The following SLC39A10 variants were observed in gnomAD, a reference collection of about 807,000 sequenced individuals.
The protein encoded by SLC39A10 is zinc transporter ZIP10.
A neutral mutation model predicts 65.1 loss-of-function variants in SLC39A10; 13 were observed. That is an observed-to-expected ratio of 0.20 (90% CI 0.13 to 0.32). The LOEUF (loss-of-function observed/expected upper bound fraction) is 0.32. Among genes scored for constraint, SLC39A10 ranks in the 10% least tolerant of loss-of-function variants. The pLI is 1.00. For synonymous variants in SLC39A10, 321 were observed against 342.2 expected, an observed-to-expected ratio of 0.94 and a Z score of 0.68; for missense variants, 831 against 1,018.4, an observed-to-expected ratio of 0.82 and a Z score of 2.50.
At chr2:195,718,108 A>G (rs1303020725) in intron 7 of SLC39A10, 144 bp from the exon 8 acceptor site, 2 of 536,830 alleles carry the variant, frequency 3.7e-6, no homozygotes, top group Non-Finnish European at 6.6e-6. Flanking sequence ...ATATGTTCAA[A>G]AACTATAGTG....
intron 1 of SLC39A10, among the ~76,000 whole-genome samples, chr2:195,665,266 G>C (rs1238253358): frequency 6.6e-6 from 1 of 152,210 alleles, no homozygotes; most frequent in Non-Finnish European, 1.5e-5. Context: ...GCAGCGAGCA[G>C]AGATTGCGCC....
At chr2:195,619,614 C>G (rs1227195781) in intron 2 of SLC39A10, among the ~76,000 whole-genome samples, 1 of 152,036 alleles carries the variant, frequency 6.6e-6, no homozygotes, top group Non-Finnish European at 1.5e-5. Context: ...AAGGAAATTG[C>G]AAATGCAGAA....
chr2:195,735,093 A>T lies in SLC39A10; in HGVS notation c.*52A>T. The T allele has an allele frequency of 6.4e-7, 1 of 1,569,624 alleles. No individual in the cohort carries two copies. The highest frequency in any genetic ancestry group is 1.2e-5 in the South Asian group (1 of 82,900). The stretch of plus-strand genomic sequence containing the variant: ...CGAGAATGTTACCATGCAGCTTTGC[A>T]TCTGTTCCTTGTACTGTATGCACAT... On this transcript the variant is annotated 3_prime_UTR_variant, in exon 10 of 10. Transcript: ENST00000359634.
upstream of SLC39A10, chr2:195,656,871 G>A (rs990999956): frequency 2.6e-5 from 4 of 152,266 alleles, no homozygotes; most frequent in African/African-American, 9.6e-5. Context: ...ATGATAAAGG[G>A]CGCTCCACGC....
intron 2 of SLC39A10, among the ~76,000 whole-genome samples, chr2:195,635,747 A>G (rs906765701): frequency 2.0e-5 from 3 of 148,770 alleles, no homozygotes; most frequent in African/African-American, 7.5e-5. Flanking sequence ...CAAAGAAAAT[A>G]TGGTTATGTA....
At chr2:195,670,020 G>A (rs1262364029) in intron 1 of SLC39A10, among the ~76,000 whole-genome samples, 3 of 152,158 alleles carry the variant, frequency 2.0e-5, no homozygotes, top group African/African-American at 7.2e-5. Context: ...TTAGCTGGGT[G>A]TGGTGGTGTG....
intron 1 of SLC39A10, chr2:195,674,459 T>C: frequency 3.1e-6 from 1 of 317,960 alleles, no homozygotes; most frequent in Non-Finnish European, 4.5e-6. Context: ...TGTGTTTTAG[T>C]AGAGATGGGG....
intron 3 of SLC39A10, among the ~76,000 whole-genome samples, chr2:195,684,570 T>G (rs116362182): frequency 6.6e-6 from 1 of 152,118 alleles, no homozygotes; most frequent in Non-Finnish European, 1.5e-5. Flanking sequence ...ATATCATTAA[T>G]TTCATTCTTT....
chr2:195,616,985 T>G (rs1574474162), intron 2 of SLC39A10, among the ~76,000 whole-genome samples: 1 of 152,232 alleles, frequency 6.6e-6, no homozygotes, highest in East Asian at 1.9e-4. Flanking sequence ...GTTGCTGGCC[T>G]ATCAGTTTTT....
chr2:195,622,514 G>A (rs2105688106), intron 2 of SLC39A10, among the ~76,000 whole-genome samples: 1 of 152,286 alleles, frequency 6.6e-6, no homozygotes, highest in East Asian at 1.9e-4. Context: ...TTCTGTTTGA[G>A]GCCAAAGATT....
At chr2:195,689,334 A>C (rs147810955) in intron 3 of SLC39A10, among the ~76,000 whole-genome samples, 209 of 152,186 alleles carry the variant, frequency 1.4e-3, no homozygotes, top group Non-Finnish European at 2.6e-3. Context: ...AGGCAGGAGG[A>C]TGACCTTAGC....
intron 2 of SLC39A10, among the ~76,000 whole-genome samples, chr2:195,625,879 G>A (rs555923379): frequency 2.0e-5 from 3 of 152,248 alleles, no homozygotes; most frequent in Non-Finnish European, 2.9e-5. Flanking sequence ...CAATCTCCAG[G>A]GATCGAGCAA....
chr2:195,640,600 T>C (rs1688795139), intron 2 of SLC39A10, among the ~76,000 whole-genome samples: 1 of 152,212 alleles, frequency 6.6e-6, no homozygotes, highest in Non-Finnish European at 1.5e-5. Context: ...TGCAGGATTA[T>C]AGAGAAAATG....
intron 2 of SLC39A10, among the ~76,000 whole-genome samples, chr2:195,644,432 C>T (rs1406966979): frequency 1.3e-5 from 2 of 151,108 alleles, no homozygotes; most frequent in African/African-American, 2.4e-5. Context: ...ACCTCTGCTT[C>T]CCGGGTTCAA....
chr2:195,637,157 G>A (rs1199631770), intron 2 of SLC39A10, among the ~76,000 whole-genome samples: 1 of 152,294 alleles, frequency 6.6e-6, no homozygotes, highest in Admixed American at 6.5e-5. Flanking sequence ...GTAACCTCTT[G>A]GAAAATGTTG....
upstream of SLC39A10, among the ~76,000 whole-genome samples, chr2:195,656,143 C>T (rs1336457752): frequency 6.6e-6 from 1 of 152,168 alleles, no homozygotes; most frequent in Non-Finnish European, 1.5e-5. Flanking sequence ...ACCAGTAAGG[C>T]ACCCCCAGAA....
chr2:195,693,273 G>C lies in SLC39A10; in HGVS notation c.1216+9367G>C, dbSNP rs118044328. On this transcript the variant is annotated intron_variant, in intron 3 of 9. Transcript: ENST00000359634. ...GCATCTGTGTTCATCAAGGATATTG[G>C]TGTGTAGTTTTCTTTTTTTGTTATG... Among the ~76,000 whole-genome samples the C allele has an allele frequency of 0.018, 2,803 of 152,224 alleles. 216 individuals carry two copies. The East Asian group carries it at 0.25, about 13-fold the overall frequency.
intron 2 of SLC39A10, among the ~76,000 whole-genome samples, chr2:195,623,820 T>C (rs113997542): frequency 5.1e-4 from 77 of 151,782 alleles, no homozygotes; most frequent in African/African-American, 1.7e-3. Flanking sequence ...GCTTGTAACA[T>C]TGCAAAAATA....
intron 2 of SLC39A10, among the ~76,000 whole-genome samples, chr2:195,620,743 C>A (rs73072021): frequency 0.023 from 3,428 of 152,156 alleles, 112 homozygotes; most frequent in African/African-American, 0.079. Context: ...AAACAATGTA[C>A]GGGAGTTGTT....
Sources: gnomAD v4.1 joint callset for allele counts (sites outside exome capture counted in the v4.1 genomes callset) on GRCh38, gnomAD v4.1.1 for gene constraint, MANE v1.5 for transcripts, NCBI Gene and HGNC (gene_info 2026-07-23, HGNC 2026-07-21) for gene names.